Variants in WHRN observed in about 807,000 individuals in gnomAD.
WHRN encodes whirlin.
A neutral mutation model predicts 68.3 loss-of-function variants in WHRN; 41 were observed. The ratio of observed to expected loss-of-function variants is 0.60; its 90% CI spans 0.47 to 0.78. The LOEUF is 0.78. WHRN is among the 30% of genes least tolerant of loss of function. WHRN has a pLI of 0.00. For missense variants in WHRN, 1,243 were observed against 1,244.7 expected, an observed-to-expected ratio of 1.00 and a Z score of 0.02; for synonymous variants, 560 against 561.3, an observed-to-expected ratio of 1.00 and a Z score of 0.03.
intron 7 of WHRN, among the ~76,000 whole-genome samples, chr9:114,409,460 T>C (rs576942159): frequency 6.6e-6 from 1 of 152,086 alleles, no homozygotes; most frequent in Non-Finnish European, 1.5e-5. Context: ...GAACGATAGG[T>C]GTTTCAGACA....
chr9:114,404,178 A>G (rs1834867962), intron 9 of WHRN, 101 bp from the exon 10 acceptor site: 3 of 1,281,974 alleles, frequency 2.3e-6, no homozygotes, highest in Non-Finnish European at 3.3e-6. Context: ...GGCTGGGGGA[A>G]TTCCCCAGGC....
At chr9:114,496,763 G>A (rs1393849091) in intron 1 of WHRN, among the ~76,000 whole-genome samples, 1 of 152,212 alleles carries the variant, frequency 6.6e-6, no homozygotes. Flanking sequence ...ACCTGCCCAA[G>A]GTCACAGCCA....
intron 2 of WHRN, among the ~76,000 whole-genome samples, chr9:114,472,370 G>A (rs545031570): frequency 5.9e-5 from 9 of 152,200 alleles, no homozygotes; most frequent in Non-Finnish European, 1.0e-4. Flanking sequence ...CTCCTCAAGA[G>A]GCCCTGCTCA....
At chr9:114,503,343 G>C (rs1844101158) in intron 1 of WHRN, 2 of 269,022 alleles carry the variant, frequency 7.4e-6, no homozygotes, top group South Asian at 1.4e-4. Flanking sequence ...TCGGGGGAGG[G>C]GGGAAGGGGG....
At chr9:114,477,710 G>A in intron 2 of WHRN, among the ~76,000 whole-genome samples, 1 of 152,180 alleles carries the variant, frequency 6.6e-6, no homozygotes, top group Non-Finnish European at 1.5e-5. Flanking sequence ...GCTGCACCCT[G>A]AGATTCTCGG....
chr9:114,437,722 C>A (rs1837989170), intron 3 of WHRN, among the ~76,000 whole-genome samples: 1 of 152,194 alleles, frequency 6.6e-6, no homozygotes, highest in South Asian at 2.1e-4. Flanking sequence ...CTGGCCAACA[C>A]GTTGACCCTG....
chr9:114,482,014 A>G (rs145145074), intron 1 of WHRN, among the ~76,000 whole-genome samples: 7 of 152,362 alleles, frequency 4.6e-5, no homozygotes, highest in Admixed American at 2.6e-4. Context: ...GTAGGTCCTT[A>G]TGACACTTGA....
Position 114,406,371 on chromosome 9 carries a change from C to T in WHRN, c.2220G>A (p.Ala740=), listed in dbSNP as rs369316074. The T allele has an allele frequency of 1.1e-5, 18 of 1,613,998 alleles. No homozygotes were observed. In the South Asian group the frequency reaches 1.2e-4, roughly 11 times the overall value. Residue 740 remains alanine (A), a synonymous_variant, in exon 9 of 12, where the codon GCG becomes GCA. Coordinates refer to ENST00000362057, the MANE Select transcript of WHRN (RefSeq NM_015404.4). ...TGTACTCACTGCGCGTCTGGGGCAG[C>T]GCCCTCACTTCATTGACGTCTGGCT... is the stretch of plus-strand genomic sequence containing the variant. ...DSEPDVNEVR[A]LPQTRTASTL... is the part of the protein sequence containing the mutation.
At chr9:114,467,012 TCTC>T (rs1484068850) in intron 2 of WHRN, among the ~76,000 whole-genome samples, 1 of 149,594 alleles carries the variant, frequency 6.7e-6, no homozygotes, top group Non-Finnish European at 1.5e-5. Flanking sequence ...ACCCCAGGGG[TCTC>T]CTGTCACCTC....
chr9:114,466,465 C>A (rs1840703190), intron 2 of WHRN, 73 bp from the exon 3 acceptor site: 7 of 1,601,916 alleles, frequency 4.4e-6, no homozygotes, highest in Non-Finnish European at 6.0e-6. Context: ...GCTGCAAAGC[C>A]CCCTCTCGTA....
chr9:114,412,953 A>G (rs932312609), intron 7 of WHRN, among the ~76,000 whole-genome samples: 19 of 152,130 alleles, frequency 1.2e-4, no homozygotes, highest in Non-Finnish European at 2.5e-4. Context: ...CCTCATTACA[A>G]TGGGAGGGCT....
intron 3 of WHRN, among the ~76,000 whole-genome samples, chr9:114,449,582 G>T (rs569625769): frequency 1.3e-5 from 2 of 152,312 alleles, no homozygotes; most frequent in East Asian, 3.9e-4. Flanking sequence ...ATTCAGAGAG[G>T]CCATTTCAAA....
chr9:114,495,839 C>T (rs1589270173), intron 1 of WHRN, among the ~76,000 whole-genome samples: 1 of 152,230 alleles, frequency 6.6e-6, no homozygotes. Flanking sequence ...TACACTGGGT[C>T]CAAACACTAC....
At chr9:114,450,961 T>C (rs555501115) in intron 3 of WHRN, among the ~76,000 whole-genome samples, 1 of 152,194 alleles carries the variant, frequency 6.6e-6, no homozygotes, top group East Asian at 1.9e-4. Context: ...GGGCCACGGG[T>C]CCCCCTTTTC....
intron 2 of WHRN, among the ~76,000 whole-genome samples, chr9:114,476,261 C>T (rs976606620): frequency 6.6e-6 from 1 of 152,138 alleles, no homozygotes; most frequent in African/African-American, 2.4e-5. Flanking sequence ...AGCCACTGTG[C>T]CCAGCCCCAC....
At chr9:114,485,536 C>T (rs139681731) in intron 1 of WHRN, among the ~76,000 whole-genome samples, 2 of 151,488 alleles carry the variant, frequency 1.3e-5, no homozygotes, top group African/African-American at 4.9e-5. Flanking sequence ...ACTAAAAATA[C>T]AAAAAATTAG....
intron 2 of WHRN, among the ~76,000 whole-genome samples, chr9:114,477,983 C>T (rs1841789013): frequency 6.6e-6 from 1 of 152,128 alleles, no homozygotes; most frequent in African/African-American, 2.4e-5. Flanking sequence ...GGCCCAGCTT[C>T]AACCACGAGA....
At chr9:114,446,664 C>T (rs1229461093) in intron 3 of WHRN, among the ~76,000 whole-genome samples, 2 of 152,154 alleles carry the variant, frequency 1.3e-5, no homozygotes, top group Non-Finnish European at 2.9e-5. Flanking sequence ...AAGGGTCTGG[C>T]TCAAACCCTT....
At chr9:114,459,705 C>T (rs757837459) in intron 3 of WHRN, among the ~76,000 whole-genome samples, 9 of 152,200 alleles carry the variant, frequency 5.9e-5, no homozygotes, top group Non-Finnish European at 8.8e-5. Context: ...CGTGATAGAC[C>T]TGTAGAGCAG....
Sources: gnomAD v4.1 joint callset for allele counts (sites outside exome capture counted in the v4.1 genomes callset) on GRCh38, gnomAD v4.1.1 for gene constraint, MANE v1.5 for transcripts, NCBI Gene and HGNC (gene_info 2026-07-23, HGNC 2026-07-21) for gene names.